CNTN5: variants seen among roughly 807,000 people sequenced by gnomAD.
CNTN5 encodes the protein contactin-5.
CNTN5 carries 77 observed loss-of-function variants against 129.1 expected under a neutral mutation model. The ratio of observed to expected loss-of-function variants is 0.60; its 90% confidence interval spans 0.50 to 0.72. The LOEUF (loss-of-function observed/expected upper bound fraction) is 0.72. CNTN5 is among the 30% of genes least tolerant of loss of function. The probability of loss-of-function intolerance (pLI) is 0.00; values close to 1 mark genes in which losing one functional copy is unlikely to be tolerated. For missense variants in CNTN5, 1,478 were observed against 1,328.8 expected (o/e 1.11, Z -1.75); for synonymous variants, 509 against 465.6 (o/e 1.09, Z -1.20).
At chr11:100,047,804 A>G (rs1197757461) in intron 9 of CNTN5, among the ~76,000 whole-genome samples, 2 of 151,506 alleles carry the variant, frequency 1.3e-5, no homozygotes, top group African/African-American at 4.9e-5. Flanking sequence ...AGAGGACATT[A>G]TCTAATCCAT....
chr11:99,920,349 T>C (rs1949906216), intron 7 of CNTN5, among the ~76,000 whole-genome samples: 1 of 152,174 alleles, frequency 6.6e-6, no homozygotes, highest in Non-Finnish European at 1.5e-5. Context: ...AACTCACACT[T>C]TGTTAGTTTT....
intron 2 of CNTN5, among the ~76,000 whole-genome samples, chr11:99,471,896 T>C (rs1199622427): frequency 6.6e-6 from 1 of 152,162 alleles, no homozygotes; most frequent in African/African-American, 2.4e-5. Flanking sequence ...ATACCTATCA[T>C]GATGCCTAAG....
At chr11:99,499,374 C>G (rs1299549054) in intron 2 of CNTN5, among the ~76,000 whole-genome samples, 1 of 152,038 alleles carries the variant, frequency 6.6e-6, no homozygotes, top group Non-Finnish European at 1.5e-5. Flanking sequence ...AAGATTAAGG[C>G]CCTTAAGAAA....
chr11:99,335,407 A>G (rs541761466), intron 2 of CNTN5, among the ~76,000 whole-genome samples: 1 of 152,168 alleles, frequency 6.6e-6, no homozygotes, highest in South Asian at 2.1e-4. Context: ...GACATTTTTT[A>G]TAATAAAATT....
intron 8 of CNTN5, among the ~76,000 whole-genome samples, chr11:99,976,811 C>T (rs747632155): frequency 5.9e-5 from 9 of 152,212 alleles, no homozygotes; most frequent in Admixed American, 2.0e-4. Flanking sequence ...AAACACTTTC[C>T]ACATTGTCTT....
chr11:99,328,729 G>A (rs2136018181), intron 2 of CNTN5, among the ~76,000 whole-genome samples: 2 of 151,846 alleles, frequency 1.3e-5, no homozygotes, highest in Admixed American at 6.6e-5. Flanking sequence ...AATTAGCCAA[G>A]CATGATGGTG....
intron 4 of CNTN5, among the ~76,000 whole-genome samples, chr11:99,821,353 G>T (rs1030997464): frequency 1.3e-5 from 2 of 152,152 alleles, no homozygotes; most frequent in African/African-American, 2.4e-5. Flanking sequence ...ACAATTCAAG[G>T]TGTCTACTAT....
At chr11:99,671,806 G>A (rs993952847) in intron 3 of CNTN5, among the ~76,000 whole-genome samples, 1 of 151,932 alleles carries the variant, frequency 6.6e-6, no homozygotes, top group Admixed American at 6.6e-5. Flanking sequence ...TAATATATTC[G>A]AGTAGAAAAT....
At chr11:99,395,085 T>C (rs148429905) in intron 2 of CNTN5, among the ~76,000 whole-genome samples, 1 of 151,958 alleles carries the variant, frequency 6.6e-6, no homozygotes, top group African/African-American at 2.4e-5. Flanking sequence ...TAGAATGGTA[T>C]CTCTATCTTT....
At chr11:99,090,735 A>AT (rs1565309626) in intron 1 of CNTN5, among the ~76,000 whole-genome samples, 2 of 151,364 alleles carry the variant, frequency 1.3e-5, no homozygotes, top group East Asian at 3.9e-4. Context: ...AAAAAAAAAA[A>AT]AAAACGGCCG....
At chr11:99,673,364 G>A (rs1052654166) in intron 3 of CNTN5, among the ~76,000 whole-genome samples, 2 of 152,098 alleles carry the variant, frequency 1.3e-5, no homozygotes, top group African/African-American at 2.4e-5. Flanking sequence ...AAGATAATAA[G>A]AATGATTATA....
Position 99,455,727 on chromosome 11 carries a change from G to C in CNTN5, c.-70-100418G>C, listed in dbSNP as rs77819975. Among the ~76,000 whole-genome samples, 865 of 152,012 alleles carry C rather than the reference G, an allele frequency of 5.7e-3. 23 individuals carry two copies. The East Asian group carries it at 0.093, about 16-fold the overall frequency. ...GCAGTAGGAATTGTATGAGAATGGG[G>C]AATTACTGAATTTTCCTTTCCAAAA... On this transcript the variant is annotated intron_variant, in intron 2 of 24. Coordinates refer to ENST00000524871, the MANE Select transcript of CNTN5 (RefSeq NM_014361.4).
chr11:99,345,679 G>A (rs1488796172), intron 2 of CNTN5, among the ~76,000 whole-genome samples: 1 of 152,166 alleles, frequency 6.6e-6, no homozygotes, highest in Non-Finnish European at 1.5e-5. Flanking sequence ...GATATGTTAA[G>A]AATGATATGC....
At chr11:100,066,027 C>A (rs1943681026) in intron 10 of CNTN5, among the ~76,000 whole-genome samples, 1 of 151,950 alleles carries the variant, frequency 6.6e-6, no homozygotes, top group Admixed American at 6.6e-5. Flanking sequence ...AGAAAAAATT[C>A]TTGCCTTGAA....
intron 1 of CNTN5, among the ~76,000 whole-genome samples, chr11:99,273,855 C>CT (rs1380474801): frequency 1.3e-5 from 2 of 151,154 alleles, no homozygotes; most frequent in East Asian, 3.9e-4. Context: ...AAAATATTTT[C>CT]TGTTTTTTAT....
intron 3 of CNTN5, among the ~76,000 whole-genome samples, chr11:99,577,944 C>G (rs917232260): frequency 1.3e-5 from 2 of 151,278 alleles, no homozygotes; most frequent in African/African-American, 4.9e-5. Flanking sequence ...CGTCGTTTAG[C>G]ATTAGGTATA....
chr11:99,211,932 T>C (rs1317740441), intron 1 of CNTN5, among the ~76,000 whole-genome samples: 7 of 152,198 alleles, frequency 4.6e-5, no homozygotes, highest in Admixed American at 2.0e-4. Context: ...AGTGATAATT[T>C]GTTTCATATT....
intron 15 of CNTN5, among the ~76,000 whole-genome samples, chr11:100,221,261 G>T (rs1425020483): frequency 6.6e-6 from 1 of 152,172 alleles, no homozygotes; most frequent in Admixed American, 6.5e-5. Flanking sequence ...TGAATGTAAG[G>T]TTGGTGTTGT....
intron 2 of CNTN5, among the ~76,000 whole-genome samples, chr11:99,545,461 G>T (rs929652253): frequency 3.3e-5 from 5 of 152,120 alleles, no homozygotes; most frequent in Admixed American, 1.3e-4. Context: ...GCCTTCCAAA[G>T]ATCCTTATTT....
Sources: allele counts gnomAD v4.1 joint callset (sites outside exome capture counted in the v4.1 genomes callset), GRCh38; gene constraint gnomAD v4.1.1; transcripts MANE v1.5; gene names NCBI Gene and HGNC (gene_info 2026-07-23, HGNC 2026-07-21).